MYT1L: variants seen among roughly 807,000 people sequenced by gnomAD.
The protein encoded by MYT1L is myelin transcription factor 1 like, also known as myelin transcription factor 1-like protein.
MYT1L carries 12 observed loss-of-function variants against 126.7 expected under a neutral mutation model. The observed-to-expected ratio is 0.09, with a 90% CI of 0.06 to 0.15. MYT1L has a LOEUF of 0.15. Ranked by LOEUF, MYT1L falls within the 10% of genes least tolerant of loss-of-function variation. The pLI is 1.00. For synonymous variants in MYT1L, 541 were observed against 604.2 expected (o/e 0.90, Z 1.53); for missense variants, 979 against 1,585.2 (o/e 0.62, Z 6.49).
At chr2:2,147,558 C>T (rs898181528) in intron 3 of MYT1L, among the ~76,000 whole-genome samples, 1 of 152,238 alleles carries the variant, frequency 6.6e-6, no homozygotes, top group Non-Finnish European at 1.5e-5. Flanking sequence ...TCTGTTCAGG[C>T]ACAAGGCAGA....
At chr2:2,017,695 C>CCTAT (rs748147315) in intron 4 of MYT1L, among the ~76,000 whole-genome samples, 195 of 152,036 alleles carry the variant, frequency 1.3e-3, no homozygotes, top group African/African-American at 4.5e-3. Flanking sequence ...TAAGTATAAT[C>CCTAT]CTATCTATCT....
chr2:2,109,608 T>G (rs1216435224), intron 3 of MYT1L, among the ~76,000 whole-genome samples: 2 of 152,036 alleles, frequency 1.3e-5, no homozygotes, highest in Non-Finnish European at 2.9e-5. Context: ...TATGTCCTAG[T>G]CAATACCACT....
chr2:1,849,289 G>A (rs2042907872), intron 19 of MYT1L, among the ~76,000 whole-genome samples: 1 of 152,164 alleles, frequency 6.6e-6, no homozygotes, highest in Non-Finnish European at 1.5e-5. Flanking sequence ...GCTTTTCTAA[G>A]ATGAAATAAA....
chr2:2,089,420 T>A (rs1447299851), intron 3 of MYT1L, among the ~76,000 whole-genome samples: 1 of 152,202 alleles, frequency 6.6e-6, no homozygotes, highest in African/African-American at 2.4e-5. Context: ...AGGAGATCCA[T>A]CTCTCCTGTC....
chr2:1,927,973 A>G (rs2149145187), intron 9 of MYT1L, among the ~76,000 whole-genome samples: 1 of 152,334 alleles, frequency 6.6e-6, no homozygotes, highest in African/African-American at 2.4e-5. Flanking sequence ...TGTTTGTTTG[A>G]GACAGGGTCT....
At chr2:2,106,718 C>A (rs1048961406) in intron 3 of MYT1L, among the ~76,000 whole-genome samples, 6 of 152,210 alleles carry the variant, frequency 3.9e-5, no homozygotes, top group African/African-American at 9.6e-5. Flanking sequence ...CAGACACAAG[C>A]ATTCAGGACA....
intron 14 of MYT1L, among the ~76,000 whole-genome samples, chr2:1,895,676 A>G (rs966276211): frequency 1.3e-5 from 2 of 152,248 alleles, no homozygotes; most frequent in African/African-American, 4.8e-5. Flanking sequence ...TTTGCCATAT[A>G]CAAAAATTAA....
intron 4 of MYT1L, among the ~76,000 whole-genome samples, chr2:2,023,316 G>A (rs2065213167): frequency 6.6e-6 from 1 of 152,210 alleles, no homozygotes; most frequent in South Asian, 2.1e-4. Context: ...GTTCATCTCA[G>A]CTGTGCACAG....
intron 2 of MYT1L, among the ~76,000 whole-genome samples, chr2:2,246,495 A>C (rs17039441): frequency 0.013 from 2,054 of 152,292 alleles, 33 homozygotes; most frequent in African/African-American, 0.046. Context: ...GGGAAGAAAG[A>C]AAGCTCATCA....
chr2:1,792,596 G>T, intron 23 of MYT1L, 132 bp from the exon 24 acceptor site: 1 of 1,001,564 alleles, frequency 1.0e-6, no homozygotes, highest in Non-Finnish European at 1.4e-6. Flanking sequence ...CGGGCCGGGC[G>T]CCGTGGCTCA....
chr2:1,905,130 C>G (rs1037661585), intron 13 of MYT1L, among the ~76,000 whole-genome samples: 2 of 152,038 alleles, frequency 1.3e-5, no homozygotes, highest in Non-Finnish European at 2.9e-5. Context: ...ATCAAGTGAT[C>G]CTTTTTCAAA....
intron 2 of MYT1L, among the ~76,000 whole-genome samples, chr2:2,216,365 A>C (rs2093676701): frequency 6.6e-6 from 1 of 152,176 alleles, no homozygotes. Context: ...GTTTTTAGAA[A>C]ATTACCCCCA....
intron 4 of MYT1L, among the ~76,000 whole-genome samples, chr2:2,003,612 C>G (rs1267656042): frequency 6.6e-6 from 1 of 152,168 alleles, no homozygotes; most frequent in East Asian, 1.9e-4. Flanking sequence ...CCTGCCCCTT[C>G]TCTATGTCTT....
At chr2:2,102,091 C>T (rs2078160861) in intron 3 of MYT1L, among the ~76,000 whole-genome samples, 1 of 152,192 alleles carries the variant, frequency 6.6e-6, no homozygotes. Context: ...TTGTCTTCCT[C>T]CAAATCCCTG....
chr2:2,307,720 T>C (rs551820173), intron 1 of MYT1L, among the ~76,000 whole-genome samples: 1 of 148,406 alleles, frequency 6.7e-6, no homozygotes, highest in Non-Finnish European at 1.5e-5. Context: ...TTTCAGTACA[T>C]TCTATCTATA....
intron 3 of MYT1L, among the ~76,000 whole-genome samples, chr2:2,133,995 C>T (rs2082713577): frequency 6.6e-6 from 1 of 152,204 alleles, no homozygotes; most frequent in Non-Finnish European, 1.5e-5. Context: ...CACTTGATCC[C>T]CCAGCCATTT....
chr2:2,300,216 GA>G (rs2095762293), intron 1 of MYT1L, among the ~76,000 whole-genome samples: 1 of 152,208 alleles, frequency 6.6e-6, no homozygotes, highest in Non-Finnish European at 1.5e-5. Context: ...ATATGTTTAT[GA>G]AAACACATAT....
chr2:2,255,242 C>T (rs1306710314), intron 2 of MYT1L, among the ~76,000 whole-genome samples: 1 of 152,182 alleles, frequency 6.6e-6, no homozygotes, highest in Admixed American at 6.5e-5. Context: ...CCTTTCTGGG[C>T]TGCCCGATTA....
chr2:1,918,655 T>C (rs1183924860), intron 10 of MYT1L, among the ~76,000 whole-genome samples: 1 of 152,240 alleles, frequency 6.6e-6, no homozygotes, highest in Non-Finnish European at 1.5e-5. Flanking sequence ...CCCCTTTTCT[T>C]TTTTAGCTAG....
Sources: gnomAD v4.1 joint callset for allele counts (sites outside exome capture counted in the v4.1 genomes callset) on GRCh38, gnomAD v4.1.1 for gene constraint, MANE v1.5 for transcripts, NCBI Gene and HGNC (gene_info 2026-07-23, HGNC 2026-07-21) for gene names.